STX8: variants seen among roughly 807,000 people sequenced by gnomAD.
STX8 encodes the protein syntaxin-8.
A neutral mutation model predicts 37.5 loss-of-function variants in STX8; 23 were observed. The ratio of observed to expected loss-of-function variants is 0.61; its 90% CI spans 0.44 to 0.87. The LOEUF (loss-of-function observed/expected upper bound fraction) is 0.87, where lower values mean the gene tolerates loss of function less well. Ranked by LOEUF, STX8 falls within the 40% of genes least tolerant of loss-of-function variation. The pLI, the probability that STX8 is intolerant of heterozygous loss-of-function variation, is 0.00. For missense variants in STX8, 313 were observed against 284.7 expected (o/e 1.10, Z -0.71); for synonymous variants, 115 against 99.1 (o/e 1.16, Z -0.95).
intron 7 of STX8, among the ~76,000 whole-genome samples, chr17:9,269,391 T>A (rs985742041): frequency 2.0e-5 from 3 of 152,128 alleles, no homozygotes; most frequent in Non-Finnish European, 4.4e-5. Flanking sequence ...AGAGGCAGAT[T>A]GATGGCCACA....
At chr17:9,559,741 T>TATATATATAA (rs201968661) in intron 2 of STX8, among the ~76,000 whole-genome samples, 1 of 27,258 alleles carries the variant, frequency 3.7e-5, no homozygotes, top group Non-Finnish European at 6.1e-5. Context: ...ATTTTATATA[T>TATATATATAA]ATATATATAT....
At chr17:9,534,487 T>C (rs985947687) in intron 4 of STX8, among the ~76,000 whole-genome samples, 6 of 152,166 alleles carry the variant, frequency 3.9e-5, no homozygotes, top group African/African-American at 1.2e-4. Flanking sequence ...CTAGAATTCA[T>C]GTTAAAAAAT....
intron 6 of STX8, among the ~76,000 whole-genome samples, chr17:9,419,263 G>A (rs1028399018): frequency 2.6e-5 from 4 of 151,754 alleles, no homozygotes; most frequent in Non-Finnish European, 4.4e-5. Context: ...TAGACACAGG[G>A]TCTCACTATG....
intron 7 of STX8, among the ~76,000 whole-genome samples, chr17:9,369,915 GA>G (rs1368125975): frequency 8.0e-6 from 1 of 124,712 alleles, no homozygotes; most frequent in African/African-American, 3.0e-5. Context: ...AAAAAAGAAA[GA>G]AAAAAGAAAA....
intron 6 of STX8, among the ~76,000 whole-genome samples, chr17:9,471,515 G>A (rs1411422560): frequency 6.6e-6 from 1 of 152,056 alleles, no homozygotes; most frequent in Non-Finnish European, 1.5e-5. Flanking sequence ...GCATCCTGGA[G>A]CTTGGATTTT....
chr17:9,325,999 C>A (rs1219264581), intron 7 of STX8, among the ~76,000 whole-genome samples: 1 of 152,196 alleles, frequency 6.6e-6, no homozygotes, highest in Non-Finnish European at 1.5e-5. Context: ...CAGCGCTAGC[C>A]ATGCTAGCTA....
intron 6 of STX8, among the ~76,000 whole-genome samples, chr17:9,487,822 G>A (rs567432144): frequency 1.1e-4 from 17 of 152,308 alleles, no homozygotes; most frequent in South Asian, 4.1e-4. Context: ...ACGTCGCCAC[G>A]TGGATGCGCT....
At chr17:9,323,059 G>A (rs977288654) in intron 7 of STX8, among the ~76,000 whole-genome samples, 2 of 152,102 alleles carry the variant, frequency 1.3e-5, no homozygotes, top group Admixed American at 1.3e-4. Flanking sequence ...AAAATAGGGG[G>A]TCTTTTCATC....
intron 6 of STX8, among the ~76,000 whole-genome samples, chr17:9,409,089 C>T (rs80347426): frequency 0.029 from 4,363 of 152,052 alleles, 105 homozygotes; most frequent in Non-Finnish European, 0.044. Context: ...CCCCTGCCCC[C>T]GCCCCCACCA....
At chr17:9,408,918 T>C (rs945745645) in intron 6 of STX8, among the ~76,000 whole-genome samples, 6 of 152,048 alleles carry the variant, frequency 3.9e-5, no homozygotes, top group Non-Finnish European at 5.9e-5. Context: ...AGGACAGACG[T>C]GCACTAGGAA....
intron 7 of STX8, among the ~76,000 whole-genome samples, chr17:9,255,152 G>A (rs1906740411): frequency 6.6e-6 from 1 of 152,128 alleles, no homozygotes; most frequent in African/African-American, 2.4e-5. Flanking sequence ...TGGCTAAGCT[G>A]CTAATTTTTC....
chr17:9,441,652 A>C (rs963469781), intron 6 of STX8, among the ~76,000 whole-genome samples: 8 of 146,890 alleles, frequency 5.4e-5, no homozygotes, highest in African/African-American at 2.0e-4. Flanking sequence ...GCTCTTCTCC[A>C]TCTATGCTCA....
Position 9,559,734 on chromosome 17 carries a change from T to TTATA in STX8, c.118-2210_118-2207dup, listed in dbSNP as rs1009971082. The stretch of plus-strand genomic sequence containing the variant: ...AATCAACTGAAAGATTATTATTATT[T>TTATA]TATATATATATATATATATATATAT... On this transcript the variant is annotated intron_variant, in intron 2 of 7. Transcript: ENST00000306357. 1.6e-3 allele frequency among the ~76,000 whole-genome samples: 76 copies of TTATA among 48,730 alleles called. 1 individual carries two copies. The highest frequency in any genetic ancestry group is 0.016 in the Middle Eastern group (1 of 62). 32.0% of individuals were successfully genotyped at this position (48,730 alleles called of 152,430 possible). A position where few individuals can be genotyped will look rare whatever the true frequency, so the allele number is the denominator to read the frequency against.
At chr17:9,330,949 A>T (rs961892095) in intron 7 of STX8, among the ~76,000 whole-genome samples, 2 of 152,216 alleles carry the variant, frequency 1.3e-5, no homozygotes, top group Admixed American at 1.3e-4. Flanking sequence ...ACTAGCTAGC[A>T]ATTTTTTCTC....
intron 6 of STX8, among the ~76,000 whole-genome samples, chr17:9,430,328 C>G (rs1005719437): frequency 6.7e-6 from 1 of 148,368 alleles, no homozygotes; most frequent in Non-Finnish European, 1.5e-5. Flanking sequence ...ATTTCCAAAA[C>G]TTTAAAATTA....
chr17:9,489,573 G>A (rs1403180252), intron 6 of STX8, among the ~76,000 whole-genome samples: 3 of 152,044 alleles, frequency 2.0e-5, no homozygotes, highest in Non-Finnish European at 4.4e-5. Flanking sequence ...CACAACACAT[G>A]ATCATCAGTT....
At chr17:9,505,231 G>A in intron 4 of STX8, 69 bp from the exon 5 acceptor site, 5 of 1,542,542 alleles carry the variant, frequency 3.2e-6, no homozygotes, top group Non-Finnish European at 3.5e-6. Context: ...ACTCCCACAA[G>A]TGCAGAGGTG....
intron 2 of STX8, among the ~76,000 whole-genome samples, chr17:9,561,765 T>A (rs1052920644): frequency 1.3e-5 from 2 of 151,950 alleles, no homozygotes; most frequent in Non-Finnish European, 2.9e-5. Flanking sequence ...GAGATTTTTT[T>A]AAAAGATAAT....
intron 6 of STX8, among the ~76,000 whole-genome samples, chr17:9,471,151 C>CT (rs34907512): frequency 0.11 from 5,595 of 51,240 alleles, 1,103 homozygotes; most frequent in African/African-American, 0.14. Flanking sequence ...CCGCACCCTG[C>CT]TTTTTTTTTT....
Sources: gnomAD v4.1 joint callset for allele counts (sites outside exome capture counted in the v4.1 genomes callset) on GRCh38, gnomAD v4.1.1 for gene constraint, MANE v1.5 for transcripts, NCBI Gene and HGNC (gene_info 2026-07-23, HGNC 2026-07-21) for gene names.